The following DAB1 variants were observed in gnomAD, a reference collection of about 807,000 sequenced individuals.
DAB1 encodes DAB adaptor protein 1.
In DAB1, 15 loss-of-function variants were observed where a neutral mutation model predicts 64.6. The observed-to-expected ratio is 0.23, with a 90% confidence interval of 0.16 to 0.36. The LOEUF is 0.36. DAB1 is among the 10% of genes least tolerant of loss of function. The pLI is 1.00. For missense variants in DAB1, 596 were observed against 706.7 expected (o/e 0.84, Z 1.78); for synonymous variants, 235 against 251.9 (o/e 0.93, Z 0.64).
intron 3 of DAB1, among the ~76,000 whole-genome samples, chr1:58,446,212 A>G (rs1290225768): frequency 6.6e-6 from 1 of 152,234 alleles, no homozygotes; most frequent in African/African-American, 2.4e-5. Context: ...TATAAGCTTC[A>G]GGCAGGCATT....
At chr1:57,970,285 C>T (rs1041219260) in intron 5 of DAB1, among the ~76,000 whole-genome samples, 1 of 152,102 alleles carries the variant, frequency 6.6e-6, no homozygotes, top group African/African-American at 2.4e-5. Flanking sequence ...TGGATCTCAC[C>T]TAGAGGTGAG....
chr1:57,878,526 G>A (rs948487341), intron 1 of DAB1: 3 of 152,088 alleles, frequency 2.0e-5, no homozygotes, highest in Non-Finnish European at 4.4e-5. Flanking sequence ...GGAAGACTAT[G>A]TCTGTTTCAC....
chr1:58,071,510 T>C (rs1483397067), intron 5 of DAB1: 1 of 152,150 alleles, frequency 6.6e-6, no homozygotes, highest in Non-Finnish European at 1.5e-5. Flanking sequence ...AGGCATGGTG[T>C]CATTGCTTTT....
At chr1:57,069,334 G>T in intron 8 of DAB1, 26 bp downstream of exon 8, 10 of 1,587,528 alleles carry the variant, frequency 6.3e-6, no homozygotes, top group East Asian at 2.2e-5. Flanking sequence ...GTGGTGCAAT[G>T]GTAAGAGAGG....
chr1:57,786,790 T>C (rs1032675252), intron 6 of DAB1, among the ~76,000 whole-genome samples: 1 of 152,170 alleles, frequency 6.6e-6, no homozygotes, highest in African/African-American at 2.4e-5. Flanking sequence ...ATGGTGGTGC[T>C]GGAGTTTAGA....
intron 1 of DAB1, among the ~76,000 whole-genome samples, chr1:57,352,245 C>T (rs1352131380): frequency 8.5e-5 from 13 of 152,082 alleles, no homozygotes; most frequent in Admixed American, 6.6e-5. Flanking sequence ...TTCTAAGCCT[C>T]AGTTTATCAT....
intron 7 of DAB1, among the ~76,000 whole-genome samples, chr1:57,635,206 A>G (rs1196104541): frequency 6.6e-6 from 1 of 152,188 alleles, no homozygotes; most frequent in Non-Finnish European, 1.5e-5. Context: ...ACTTGGAGAT[A>G]GAGTCATTAG....
intron 3 of DAB1, among the ~76,000 whole-genome samples, chr1:58,389,688 G>A (rs924389580): frequency 5.3e-5 from 8 of 152,190 alleles, no homozygotes; most frequent in African/African-American, 1.9e-4. Context: ...ATACAAGTAT[G>A]TTCAACCTGC....
At chr1:57,899,150 C>CA (rs1472060008) in intron 5 of DAB1, among the ~76,000 whole-genome samples, 1 of 152,036 alleles carries the variant, frequency 6.6e-6, no homozygotes, top group Non-Finnish European at 1.5e-5. Flanking sequence ...GGGAGATATT[C>CA]AAAAACACCA....
intron 2 of DAB1, among the ~76,000 whole-genome samples, chr1:57,285,994 G>T (rs922171709): frequency 1.3e-5 from 2 of 152,042 alleles, no homozygotes; most frequent in Non-Finnish European, 2.9e-5. Flanking sequence ...TCCACTTCTG[G>T]AATGGGCACC....
At chr1:57,676,283 A>C (rs751806849) in intron 6 of DAB1, among the ~76,000 whole-genome samples, 2 of 152,238 alleles carry the variant, frequency 1.3e-5, no homozygotes, top group Non-Finnish European at 2.9e-5. Flanking sequence ...CAGGAAGAGA[A>C]GACCTTCTGT....
chr1:57,014,999 A>G lies in DAB1; in HGVS notation c.1328T>C (p.Phe443Ser), dbSNP rs760992754. Residue 443 changes from phenylalanine (F) to serine (S), a missense_variant, in exon 12 of 15, where the codon TTC (phenylalanine) becomes TCC (serine). Transcript: ENST00000371236. ...QPSLTCTSEAFSSYFNKVGVA... is the reference protein window; with the variant it reads ...QPSLTCTSEASSSYFNKVGVA... Reference sequence around the variant, plus strand: ...CCCGACTTTGTTGAAGTAACTGGAGAAGGCCTCTGAGGTACAGGTGAGGGA... The same window carrying G: ...CCCGACTTTGTTGAAGTAACTGGAGGAGGCCTCTGAGGTACAGGTGAGGGA... The G allele has an allele frequency of 1.9e-6, 3 of 1,614,048 alleles. No individual in the cohort carries two copies.
At chr1:58,002,165 A>T (rs145888766) in intron 5 of DAB1, among the ~76,000 whole-genome samples, 11 of 152,304 alleles carry the variant, frequency 7.2e-5, no homozygotes, top group African/African-American at 2.4e-4. Flanking sequence ...GTTTGTGGTT[A>T]TCTGTTAGAG....
chr1:57,777,902 A>G (rs1197482051), intron 6 of DAB1, among the ~76,000 whole-genome samples: 1 of 152,060 alleles, frequency 6.6e-6, no homozygotes, highest in African/African-American at 2.4e-5. Flanking sequence ...TCCTTTATAC[A>G]GTGTTGAAGT....
chr1:57,047,015 C>T (rs1417619596), intron 9 of DAB1, among the ~76,000 whole-genome samples: 1 of 152,214 alleles, frequency 6.6e-6, no homozygotes, highest in East Asian at 1.9e-4. Flanking sequence ...ATTGCCCTGA[C>T]ATAATTGTTA....
At chr1:57,719,827 G>T (rs1239419046) in intron 6 of DAB1, among the ~76,000 whole-genome samples, 2 of 152,196 alleles carry the variant, frequency 1.3e-5, no homozygotes, top group Non-Finnish European at 2.9e-5. Flanking sequence ...TAGTGAATGA[G>T]AAATACCATG....
chr1:58,308,760 A>C (rs566195700), intron 4 of DAB1, among the ~76,000 whole-genome samples: 1 of 152,266 alleles, frequency 6.6e-6, no homozygotes, highest in South Asian at 2.1e-4. Context: ...TGCAGAAATC[A>C]CTAGAACACT....
At chr1:57,445,608 T>G (rs970290386) in intron 7 of DAB1, among the ~76,000 whole-genome samples, 3 of 152,190 alleles carry the variant, frequency 2.0e-5, no homozygotes, top group Admixed American at 1.3e-4. Flanking sequence ...ATAAAAAATT[T>G]TATCCATTCG....
At chr1:58,342,962 C>T (rs1464177686) in intron 4 of DAB1, among the ~76,000 whole-genome samples, 1 of 152,178 alleles carries the variant, frequency 6.6e-6, no homozygotes. Context: ...AGGTCCCTCC[C>T]TGCATAAAGC....
Sources: allele counts gnomAD v4.1 joint callset (sites outside exome capture counted in the v4.1 genomes callset), GRCh38; gene constraint gnomAD v4.1.1; transcripts MANE v1.5; gene names NCBI Gene and HGNC (gene_info 2026-07-23, HGNC 2026-07-21).